PARD3: variants seen among roughly 807,000 people sequenced by gnomAD.
PARD3 encodes the protein par-3 family cell polarity regulator.
PARD3 carries 75 observed loss-of-function variants against 155.4 expected under a neutral mutation model. That is an observed-to-expected ratio of 0.48 (90% CI 0.40 to 0.58). PARD3 has a LOEUF of 0.58. Ranked by LOEUF, PARD3 falls within the 20% of genes least tolerant of loss-of-function variation. The pLI is 0.00. For missense variants in PARD3, 1,642 were observed against 1,721.7 expected, an observed-to-expected ratio of 0.95 and a Z score of 0.82; for synonymous variants, 576 against 610.5, an observed-to-expected ratio of 0.94 and a Z score of 0.83.
chr10:34,427,523 C>T (rs933415148), intron 5 of PARD3, among the ~76,000 whole-genome samples: 6 of 152,144 alleles, frequency 3.9e-5, no homozygotes, highest in East Asian at 1.9e-4. Flanking sequence ...GCATGCACAG[C>T]GGGACATGGA....
At chr10:34,204,143 A>T (rs1951351306) in intron 22 of PARD3, among the ~76,000 whole-genome samples, 1 of 152,220 alleles carries the variant, frequency 6.6e-6, no homozygotes, top group Non-Finnish European at 1.5e-5. Flanking sequence ...TAGTGTTGAC[A>T]GTATTGATGT....
intron 1 of PARD3, among the ~76,000 whole-genome samples, chr10:34,747,039 G>T (rs1835413222): frequency 6.6e-6 from 1 of 152,180 alleles, no homozygotes; most frequent in Non-Finnish European, 1.5e-5. Flanking sequence ...TGGTTTTGTG[G>T]AAACCCTGCT....
intron 1 of PARD3, among the ~76,000 whole-genome samples, chr10:34,741,603 C>T (rs917542955): frequency 3.3e-5 from 5 of 152,134 alleles, no homozygotes; most frequent in African/African-American, 7.2e-5. Flanking sequence ...TGCAGAGGAG[C>T]GCAGCCATCT....
intron 21 of PARD3, among the ~76,000 whole-genome samples, chr10:34,278,493 C>T (rs1038025461): frequency 6.6e-6 from 1 of 152,122 alleles, no homozygotes; most frequent in Non-Finnish European, 1.5e-5. Context: ...CCATAATCCC[C>T]ACGTGTCATG....
At chr10:34,810,348 A>G (rs556767200) in intron 1 of PARD3, among the ~76,000 whole-genome samples, 1 of 152,320 alleles carries the variant, frequency 6.6e-6, no homozygotes, top group East Asian at 1.9e-4. Context: ...CATTATATAT[A>G]CAAAAATATC....
intron 9 of PARD3, among the ~76,000 whole-genome samples, chr10:34,378,312 T>G (rs1325030515): frequency 6.6e-6 from 1 of 152,206 alleles, no homozygotes; most frequent in Non-Finnish European, 1.5e-5. Context: ...TCAACAGTTA[T>G]TAATCTAAGA....
At chr10:34,393,461 G>A (rs779960786) in intron 7 of PARD3, among the ~76,000 whole-genome samples, 1 of 151,806 alleles carries the variant, frequency 6.6e-6, no homozygotes, top group Non-Finnish European at 1.5e-5. Context: ...CTTGCCTGTA[G>A]TCCCAGCTGC....
intron 1 of PARD3, among the ~76,000 whole-genome samples, chr10:34,702,059 G>T (rs1373160512): frequency 1.3e-5 from 2 of 152,108 alleles, no homozygotes; most frequent in African/African-American, 4.8e-5. Context: ...CACCTACTCA[G>T]GAGGCTGAGG....
Position 34,111,262 on chromosome 10 carries a change from C to T in PARD3, c.3969G>A (p.Gly1323=), listed in dbSNP as rs1335407934. The change falls in exon 25 of 25, where the codon GGG becomes GGA. Residue 1323 remains glycine (G), a synonymous_variant. Coordinates refer to ENST00000374788, the MANE Select transcript of PARD3 (RefSeq NM_001184785.2). ...AGGGGGGCACATCTTGCCGGAAGGG[C>T]CCCTTGGGAGGGGCGTAACTGGGGT... The part of the protein sequence containing the change: ...VQDPSYAPPK[G]PFRQDVPPSP... 6.2e-7 allele frequency: 1 copy of T among 1,613,548 alleles called. No homozygotes were observed. Among genetic ancestry groups the T allele is most frequent in the Admixed American group, 1.7e-5 (1 of 60,014 alleles).
intron 2 of PARD3, among the ~76,000 whole-genome samples, chr10:34,672,844 T>C (rs1019298386): frequency 1.3e-4 from 20 of 152,230 alleles, no homozygotes; most frequent in African/African-American, 4.6e-4. Context: ...CTTTACTTAG[T>C]AGTATGAAGT....
intron 1 of PARD3, among the ~76,000 whole-genome samples, chr10:34,775,627 A>G (rs1032389700): frequency 1.3e-5 from 2 of 151,764 alleles, no homozygotes; most frequent in East Asian, 3.8e-4. Flanking sequence ...TACAAGAGAT[A>G]TATGCGTGAG....
intron 2 of PARD3, among the ~76,000 whole-genome samples, chr10:34,533,641 T>C (rs2083012485): frequency 6.6e-6 from 1 of 151,848 alleles, no homozygotes. Flanking sequence ...ACCCCATCTC[T>C]ACTAAAAAAT....
At chr10:34,268,001 T>C (rs1337946813) in intron 22 of PARD3, among the ~76,000 whole-genome samples, 4 of 152,132 alleles carry the variant, frequency 2.6e-5, no homozygotes, top group African/African-American at 7.2e-5. Context: ...GCAACACTTA[T>C]AAGAAACCAC....
In PARD3 at chr10:34,814,899, G is replaced by T; in HGVS notation, c.97C>A (p.Arg33Ser). ...VFSLIQQAVT[R>S]YRKAIAKDPN... ...ACCTTGGCGATGGCCTTCCGGTAGC[G>T]GGTCACCGCCTGCTGGATGAGGCTG... Residue 33 changes from arginine to serine, a missense_variant, in exon 1 of 25, where the codon CGC becomes AGC. Physicochemically the swap from Arg to Ser is moderately radical, Grantham distance 110 (BLOSUM62 -1). Coordinates refer to ENST00000374788, the MANE Select transcript of PARD3 (RefSeq NM_001184785.2). 6.5e-7 allele frequency: 1 copy of T among 1,538,776 alleles called. No individual in the cohort carries two copies.
chr10:34,300,491 CAAAT>C (rs1400248787), intron 20 of PARD3, among the ~76,000 whole-genome samples: 1 of 152,058 alleles, frequency 6.6e-6, no homozygotes, highest in Admixed American at 6.5e-5. Flanking sequence ...ACCATCTCTA[CAAAT>C]AAATGAATGA....
At chr10:34,787,112 T>C (rs1841067301) in intron 1 of PARD3, among the ~76,000 whole-genome samples, 1 of 152,170 alleles carries the variant, frequency 6.6e-6, no homozygotes, top group Non-Finnish European at 1.5e-5. Context: ...CCAGGCACAG[T>C]GGCTCACGCC....
chr10:34,578,386 A>G lies in PARD3; in HGVS notation c.223-61227T>C, dbSNP rs118155854. ...CAAGGTCTGATTTTCAAAATTCACAAAATTGCAACCTCAGGCATAAATGGG... is the reference window on the plus strand; with the variant it reads ...CAAGGTCTGATTTTCAAAATTCACAGAATTGCAACCTCAGGCATAAATGGG... On this transcript the variant is annotated intron_variant, in intron 2 of 24. Coordinates refer to ENST00000374788, the MANE Select transcript of PARD3 (RefSeq NM_001184785.2). Among the ~76,000 whole-genome samples the G allele has an allele frequency of 5.2e-3, 795 of 152,326 alleles. 4 individuals carry two copies. The highest frequency in any genetic ancestry group is 6.4e-3 in the Non-Finnish European group (438 of 68,032).
chr10:34,714,729 G>C (rs2094493735), intron 1 of PARD3, among the ~76,000 whole-genome samples: 1 of 151,944 alleles, frequency 6.6e-6, no homozygotes, highest in African/African-American at 2.4e-5. Context: ...GTGCTCCTGA[G>C]TCTCATTACC....
intron 1 of PARD3, among the ~76,000 whole-genome samples, chr10:34,744,262 A>G (rs1194248798): frequency 6.6e-6 from 1 of 152,252 alleles, no homozygotes; most frequent in Admixed American, 6.5e-5. Flanking sequence ...AAATCTTGAA[A>G]TATTTTCCAT....
Sources: gnomAD v4.1 joint callset for allele counts (sites outside exome capture counted in the v4.1 genomes callset) on GRCh38, gnomAD v4.1.1 for gene constraint, MANE v1.5 for transcripts, NCBI Gene and HGNC (gene_info 2026-07-23, HGNC 2026-07-21) for gene names.